The following CAPN7 variants were observed in gnomAD, a reference collection of about 807,000 sequenced individuals.
CAPN7 encodes calpain-7.
CAPN7 carries 72 observed loss-of-function variants against 115.2 expected under a neutral mutation model. The ratio of observed to expected loss-of-function variants is 0.63; its 90% CI spans 0.52 to 0.76. The LOEUF (loss-of-function observed/expected upper bound fraction) is 0.76. Ranked by LOEUF, CAPN7 falls within the 30% of genes least tolerant of loss-of-function variation. The pLI is 0.00. For synonymous variants in CAPN7, 344 were observed against 322.3 expected (o/e 1.07, Z -0.72); for missense variants, 905 against 971.5 (o/e 0.93, Z 0.91).
At chr3:15,250,435 G>A (rs1307715926) in intron 19 of CAPN7, among the ~76,000 whole-genome samples, 2 of 152,052 alleles carry the variant, frequency 1.3e-5, no homozygotes, top group Non-Finnish European at 2.9e-5. Flanking sequence ...TTGGAAGGCC[G>A]AGGCTGGCAG....
intron 6 of CAPN7, 145 bp downstream of exon 6, chr3:15,223,706 C>G (rs1200119443): frequency 3.3e-6 from 2 of 598,108 alleles, no homozygotes; most frequent in Non-Finnish European, 5.9e-6. Context: ...GATAGGGCAA[C>G]ATAGCAAGAG....
intron 5 of CAPN7, 64 bp downstream of exon 5, chr3:15,221,045 T>G: frequency 7.7e-7 from 1 of 1,292,410 alleles, no homozygotes; most frequent in East Asian, 2.4e-5. Flanking sequence ...AATTTTATTT[T>G]CATTAGGTTT....
At chr3:15,235,764 A>C (rs573690233) in intron 12 of CAPN7, among the ~76,000 whole-genome samples, 1 of 152,308 alleles carries the variant, frequency 6.6e-6, no homozygotes, top group South Asian at 2.1e-4. Context: ...ACCTCCTGCT[A>C]TGCGGCCCAG....
chr3:15,221,720 A>G (rs1182559183), intron 5 of CAPN7, among the ~76,000 whole-genome samples: 1 of 152,070 alleles, frequency 6.6e-6, no homozygotes, highest in Non-Finnish European at 1.5e-5. Context: ...CTGCAATCCC[A>G]GCATTTTGGG....
chr3:15,236,427 T>G (rs1694995545), intron 12 of CAPN7, among the ~76,000 whole-genome samples: 1 of 152,222 alleles, frequency 6.6e-6, no homozygotes, highest in African/African-American at 2.4e-5. Flanking sequence ...AAGTACTATT[T>G]CTTAATGAAG....
chr3:15,219,670 T>C (rs1693847607), intron 4 of CAPN7, among the ~76,000 whole-genome samples: 1 of 152,192 alleles, frequency 6.6e-6, no homozygotes, highest in African/African-American at 2.4e-5. Context: ...TCTAGGAAAA[T>C]GTACATGAAA....
intron 6 of CAPN7, among the ~76,000 whole-genome samples, chr3:15,224,696 A>G (rs539825649): frequency 6.6e-6 from 1 of 152,068 alleles, no homozygotes; most frequent in East Asian, 1.9e-4. Context: ...CTCTTTCAGT[A>G]CTTTTTTATT....
intron 10 of CAPN7, among the ~76,000 whole-genome samples, chr3:15,233,519 G>A (rs1332108067): frequency 1.3e-5 from 2 of 152,178 alleles, no homozygotes; most frequent in Non-Finnish European, 2.9e-5. Context: ...GAGAAAGAAT[G>A]GGAATGTATG....
chr3:15,228,848 TA>T, intron 7 of CAPN7, 125 bp from the exon 8 acceptor site: 1 of 684,102 alleles, frequency 1.5e-6, no homozygotes. Flanking sequence ...CCCCCGAACC[TA>T]AAATAGAAGT....
At chr3:15,212,564 C>A (rs891029409) in intron 2 of CAPN7, among the ~76,000 whole-genome samples, 1 of 152,168 alleles carries the variant, frequency 6.6e-6, no homozygotes, top group African/African-American at 2.4e-5. Context: ...AATTAAGTGA[C>A]TGTTCCTCTT....
In CAPN7 at chr3:15,237,808, A is replaced by G. The variant is rs976487282; in HGVS notation, c.1407+2663A>G. Among the ~76,000 whole-genome samples, 4 of 151,954 alleles carry G rather than the reference A, an allele frequency of 2.6e-5. No individual in the cohort carries two copies. In the South Asian group the frequency reaches 6.2e-4, roughly 24 times the overall value. On this transcript the variant is annotated intron_variant, in intron 12 of 20. Coordinates refer to ENST00000253693, the MANE Select transcript of CAPN7 (RefSeq NM_014296.3). ...AACATAGCAAGACCCCATCTCTACA[A>G]TAAATAATTTTTTAAAAAATTAGCT...
intron 12 of CAPN7, among the ~76,000 whole-genome samples, chr3:15,238,280 A>G (rs577542792): frequency 2.6e-5 from 4 of 151,532 alleles, no homozygotes; most frequent in Non-Finnish European, 4.4e-5. Flanking sequence ...ACGCCCGGCC[A>G]ATTTTTTATA....
At chr3:15,247,250 G>A (rs1475578015) in intron 18 of CAPN7, 77 bp from the exon 19 acceptor site, 1 of 794,722 alleles carries the variant, frequency 1.3e-6, no homozygotes. Flanking sequence ...TTTTTTTTTT[G>A]AGATGGAAAG....
chr3:15,240,975 T>G, intron 14 of CAPN7, 122 bp downstream of exon 14: 1 of 601,528 alleles, frequency 1.7e-6, no homozygotes. Context: ...GAGGCCGAGG[T>G]GGGTGGATCA....
At chr3:15,234,472 T>G (rs1405717502) in intron 11 of CAPN7, among the ~76,000 whole-genome samples, 1 of 152,194 alleles carries the variant, frequency 6.6e-6, no homozygotes, top group East Asian at 1.9e-4. Flanking sequence ...TATCTTCCCT[T>G]AATAGTTACA....
At chr3:15,232,073 T>G in intron 9 of CAPN7, 1 of 339,708 alleles carries the variant, frequency 2.9e-6, no homozygotes, top group Non-Finnish European at 5.7e-6. Context: ...AGAAGTGTTT[T>G]GGATTTTGGA....
At position 15,233,404 on chromosome 3, in the gene CAPN7, A is replaced by G. The variant is rs182454778; in HGVS notation, c.1180-463A>G. Reference sequence around the variant, plus strand: ...ATAATTAAATGCAATAGGATGTTACAGTTTTTCTTTTCCCAGCCTATACTT... The same window carrying G: ...ATAATTAAATGCAATAGGATGTTACGGTTTTTCTTTTCCCAGCCTATACTT... On this transcript the variant is annotated intron_variant, in intron 10 of 20. Transcript: ENST00000253693. Among the ~76,000 whole-genome samples, 125 of 152,328 alleles carry G rather than the reference A, an allele frequency of 8.2e-4. 1 individual carries two copies. The highest frequency in any genetic ancestry group is 1.4e-3 in the Non-Finnish European group (93 of 68,014).
At chr3:15,238,456 G>A (rs967818578) in intron 12 of CAPN7, among the ~76,000 whole-genome samples, 1 of 151,986 alleles carries the variant, frequency 6.6e-6, no homozygotes, top group African/African-American at 2.4e-5. Flanking sequence ...TTTGATTCAA[G>A]CATTTATCTC....
At chr3:15,239,002 G>T (rs1489786064) in intron 12 of CAPN7, among the ~76,000 whole-genome samples, 1 of 151,884 alleles carries the variant, frequency 6.6e-6, no homozygotes, top group Non-Finnish European at 1.5e-5. Context: ...GCAACAATTT[G>T]CTCTCCTTTG....
Sources: allele counts gnomAD v4.1 joint callset (sites outside exome capture counted in the v4.1 genomes callset), GRCh38; gene constraint gnomAD v4.1.1; transcripts MANE v1.5; gene names NCBI Gene and HGNC (gene_info 2026-07-23, HGNC 2026-07-21).